TSBP1: variants seen among roughly 807,000 people sequenced by gnomAD.
The protein encoded by TSBP1 is testis expressed basic protein 1.
TSBP1 carries 56 observed loss-of-function variants against 68.8 expected under a neutral mutation model. The observed-to-expected ratio is 0.81, with a 90% CI of 0.66 to 1.02. TSBP1 has a LOEUF of 1.02. TSBP1 is among the 50% of genes least tolerant of loss of function. The pLI, the probability that TSBP1 is intolerant of heterozygous loss-of-function variation, is 0.00. For synonymous variants in TSBP1, 171 were observed against 208.7 expected (o/e 0.82, Z 1.56); for missense variants, 502 against 641.2 (o/e 0.78, Z 2.34).
rs1769612463 is a variant in TSBP1 at position 32,335,965 on chromosome 6, T to C, written c.431-33A>G. On this transcript the variant is annotated intron_variant, in intron 12 of 22. Coordinates refer to ENST00000612031, the Ensembl canonical transcript of TSBP1. The surrounding 1 kb of genome is among the most constrained non-coding windows in gnomAD (Gnocchi z 5.5). The stretch of plus-strand genomic sequence containing the variant: ...AGAGAAAGAGGGAGAAAGAAAAAGA[T>C]ATCAGTATGCTTCACCACTGTGAAG... 1 of 1,589,404 alleles carries C rather than the reference T, an allele frequency of 6.3e-7. No individual in the cohort carries two copies. The highest frequency in any genetic ancestry group is 8.6e-7 in the Non-Finnish European group (1 of 1,162,616).
chr6:32,302,725 G>A lies in TSBP1; in HGVS notation c.581-96C>T. ...CCAATTCCCTAGTTGTTTTTTCTAG[G>A]GTACCATAAAGACTTCTAGCAGAAT... On this transcript the variant is annotated intron_variant, in intron 19 of 22. Transcript: ENST00000612031. This position sits in a 1 kb window ranked among gnomAD's most constrained non-coding sequence, Gnocchi z 5.1. The A allele has an allele frequency of 1.2e-6, 1 of 809,454 alleles. No individual in the cohort carries two copies. The allele number at this position is 809,454 out of a possible 1,614,324, so 50.1% of individuals were successfully genotyped here.
chr6:32,357,009 A>G lies in TSBP1; in HGVS notation c.218-1340T>C, dbSNP rs1001100120. 6.6e-6 allele frequency among the ~76,000 whole-genome samples: 1 copy of G among 152,164 alleles called. No individual in the cohort carries two copies. The highest frequency in any genetic ancestry group is 2.4e-5 in the African/African-American group (1 of 41,458). ...AACATAATGACCTTACCTAATATTAATATCTTCCTGCCAGAAGATTTCTAT... is the reference window on the plus strand; with the variant it reads ...AACATAATGACCTTACCTAATATTAGTATCTTCCTGCCAGAAGATTTCTAT... On this transcript the variant is annotated intron_variant, in intron 6 of 22. Coordinates refer to ENST00000612031, the Ensembl canonical transcript of TSBP1. This position sits in a 1 kb window ranked among gnomAD's most constrained non-coding sequence, Gnocchi z 4.7.
rs1773050474 is a variant in TSBP1, at chr6:32,361,720, T to C, written c.217+4447A>G. On this transcript the variant is annotated intron_variant, in intron 6 of 22. Coordinates refer to ENST00000612031, the Ensembl canonical transcript of TSBP1. The surrounding 1 kb of genome is among the most constrained non-coding windows in gnomAD (Gnocchi z 4.3). ...ATGGACTAAGGTTCATGAACAGATA[T>C]GAACCTTAGTCCATTTTAAAATCAG... Among the ~76,000 whole-genome samples, 1 of 152,194 alleles carries C rather than the reference T, an allele frequency of 6.6e-6. No homozygotes were observed. The highest frequency in any genetic ancestry group is 1.5e-5 in the Non-Finnish European group (1 of 68,036).
chr6:32,365,045 C>T lies in TSBP1; in HGVS notation c.217+1122G>A, dbSNP rs867972046. The stretch of plus-strand genomic sequence containing the variant: ...AGTAGCTGGGACTGCAGGTGTGCAC[C>T]GCCACATCCAACTGATTTTTTTTTT... On this transcript the variant is annotated intron_variant, in intron 6 of 22. Transcript: ENST00000612031. The surrounding 1 kb of genome is among the most constrained non-coding windows in gnomAD (Gnocchi z 4.3). 2.1e-4 allele frequency among the ~76,000 whole-genome samples: 30 copies of T among 142,946 alleles called. No homozygotes were observed. Among genetic ancestry groups the T allele is most frequent in the Middle Eastern group, 3.6e-3 (1 of 280 alleles). 93.8% of individuals were successfully genotyped at this position (142,946 alleles called of 152,430 possible).
chr6:32,293,351 A>G (rs754246920), exon 23 of TSBP1: 2 of 1,607,160 alleles, frequency 1.2e-6, no homozygotes, highest in Non-Finnish European at 1.7e-6. Context: ...CTTTTCTTGG[A>G]CCTCTTGTTC....
chr6:32,367,322 G>A (rs1583191433), intron 4 of TSBP1, among the ~76,000 whole-genome samples: 1 of 151,956 alleles, frequency 6.6e-6, no homozygotes, highest in African/African-American at 2.4e-5. Flanking sequence ...AGTGGATACT[G>A]AAAGAGAACA....
Position 32,315,519 on chromosome 6 carries a change from G to A in TSBP1, c.580+253C>T, listed in dbSNP as rs1055843837. ...GGAGGTTGCAGTGAGCCTAGATCAC[G>A]CCACTGCACTCCAGCCTGTGTGACA... On this transcript the variant is annotated intron_variant, in intron 19 of 22. Transcript: ENST00000612031. The surrounding 1 kb of genome is among the most constrained non-coding windows in gnomAD (Gnocchi z 5.4). Among the ~76,000 whole-genome samples the A allele has an allele frequency of 1.3e-5, 2 of 152,216 alleles. No homozygotes were observed. Among genetic ancestry groups the A allele is most frequent in the Middle Eastern group, 3.4e-3 (1 of 294 alleles).
At chr6:32,303,537 TCTTTTTA>T (rs1765510995) in intron 19 of TSBP1, among the ~76,000 whole-genome samples, 1 of 152,128 alleles carries the variant, frequency 6.6e-6, no homozygotes. Flanking sequence ...TATTTTTCAT[TCTTTTTA>T]CTTTTATTGT....
intron 21 of TSBP1, 82 bp downstream of exon 24, chr6:32,300,598 G>T: frequency 8.1e-7 from 1 of 1,235,618 alleles, no homozygotes; most frequent in Non-Finnish European, 1.2e-6. Context: ...AGAGGAACTC[G>T]TAACACAAGA....
intron 16 of TSBP1, among the ~76,000 whole-genome samples, chr6:32,330,046 G>A (rs1768761031): frequency 6.6e-6 from 1 of 152,064 alleles, no homozygotes. Flanking sequence ...GTGTGTGCGC[G>A]CGCGCACGTG....
At chr6:32,295,327 C>T (rs1238305098) in intron 22 of TSBP1, among the ~76,000 whole-genome samples, 1 of 128,148 alleles carries the variant, frequency 7.8e-6, no homozygotes, top group South Asian at 2.7e-4. Context: ...CAGAGTGATA[C>T]TCCATCTCAC....
intron 9 of TSBP1, among the ~76,000 whole-genome samples, chr6:32,341,523 C>A (rs1770349442): frequency 6.6e-6 from 1 of 152,122 alleles, no homozygotes; most frequent in Non-Finnish European, 1.5e-5. Context: ...CCTGACCAAA[C>A]AAAACACATC....
chr6:32,363,437 ATCCTTTCT>A (rs1002434420), intron 6 of TSBP1, among the ~76,000 whole-genome samples: 4 of 151,008 alleles, frequency 2.6e-5, no homozygotes, highest in Admixed American at 6.6e-5. Flanking sequence ...TGTTTTGTAT[ATCCTTTCT>A]TCCTTTCTTC....
chr6:32,309,352 T>G (rs1470195029), intron 19 of TSBP1, among the ~76,000 whole-genome samples: 1 of 95,298 alleles, frequency 1.0e-5, no homozygotes, highest in Non-Finnish European at 2.4e-5. Context: ...TTTTCTTACA[T>G]ATGTTTCTTG....
intron 6 of TSBP1, 22 bp downstream of exon 6, chr6:32,366,144 CA>C: frequency 6.3e-7 from 1 of 1,598,266 alleles, no homozygotes; most frequent in Non-Finnish European, 8.5e-7. Flanking sequence ...TTTAATTTTA[CA>C]AAAATCTCTA....
rs1355888403 is a variant in TSBP1 at position 32,315,748 on chromosome 6, C to T, written c.580+24G>A. 6.8e-7 allele frequency: 1 copy of T among 1,471,630 alleles called. No individual in the cohort carries two copies. Among genetic ancestry groups the T allele is most frequent in the Non-Finnish European group, 9.2e-7 (1 of 1,092,010 alleles). The allele number at this position is 1,471,630 out of a possible 1,614,324, so 91.2% of individuals were successfully genotyped here. A position where few individuals can be genotyped will look rare whatever the true frequency, so the allele number is the denominator to read the frequency against. ...ATCTAACATAAATCTCCACATATGACCAGCTGAGAAATAAAGAACTTACTT... is the reference window on the plus strand; with the variant it reads ...ATCTAACATAAATCTCCACATATGATCAGCTGAGAAATAAAGAACTTACTT... On this transcript the variant is annotated intron_variant, in intron 19 of 22. Coordinates refer to ENST00000612031, the Ensembl canonical transcript of TSBP1. The surrounding 1 kb of genome is among the most constrained non-coding windows in gnomAD (Gnocchi z 5.4).
exon 23 of TSBP1, chr6:32,293,350 G>C: frequency 6.2e-7 from 1 of 1,612,192 alleles, no homozygotes; most frequent in Non-Finnish European, 8.5e-7. Flanking sequence ...TCTTTTCTTG[G>C]ACCTCTTGTT....
At position 32,294,800 on chromosome 6, in the gene TSBP1, G is replaced by A. The variant is rs1401541102; in HGVS notation, c.638-765C>T. Among the ~76,000 whole-genome samples the A allele has an allele frequency of 3.3e-5, 5 of 152,180 alleles. No individual in the cohort carries two copies. The East Asian group carries it at 7.7e-4, about 23-fold the overall frequency. On this transcript the variant is annotated intron_variant, in intron 22 of 22. Transcript: ENST00000612031. Reference sequence around the variant, plus strand: ...CCTTTGATCATGTTCAGGTAAATCAGCTGTTACGTCTCAATTCCTGTGTGA... The same window carrying A: ...CCTTTGATCATGTTCAGGTAAATCAACTGTTACGTCTCAATTCCTGTGTGA...
Position 32,316,008 on chromosome 6 carries a change from G to A in TSBP1, c.560-216C>T, listed in dbSNP as rs754951200. On this transcript the variant is annotated intron_variant, in intron 18 of 22. Coordinates refer to ENST00000612031, the Ensembl canonical transcript of TSBP1. This position sits in a 1 kb window ranked among gnomAD's most constrained non-coding sequence, Gnocchi z 4.5. ...GATGATGTGATGAAATCAAAGGTAGGGTTTCCTTAAAGGCCCTCTTCATTT... is the reference window on the plus strand; with the variant it reads ...GATGATGTGATGAAATCAAAGGTAGAGTTTCCTTAAAGGCCCTCTTCATTT... Among the ~76,000 whole-genome samples the A allele has an allele frequency of 1.3e-5, 2 of 152,016 alleles. No homozygotes were observed. The highest frequency in any genetic ancestry group is 4.8e-5 in the African/African-American group (2 of 41,366).
Sources: gnomAD v4.1 joint callset for allele counts (sites outside exome capture counted in the v4.1 genomes callset) on GRCh38, gnomAD v4.1.1 for gene constraint, Gnocchi (gnomAD v3.1) non-coding constraint, MANE v1.5 for transcripts, NCBI Gene and HGNC (gene_info 2026-07-23, HGNC 2026-07-21) for gene names.